The following RAD54B variants were observed in gnomAD, a reference collection of about 807,000 sequenced individuals.
RAD54B encodes DNA repair and recombination protein RAD54B.
RAD54B carries 78 observed loss-of-function variants against 95.8 expected under a neutral mutation model. That is an observed-to-expected ratio of 0.81 (90% CI 0.68 to 0.98). The LOEUF (loss-of-function observed/expected upper bound fraction) is 0.98. RAD54B is among the 50% of genes least tolerant of loss of function. The probability of loss-of-function intolerance (pLI) is 0.00; values close to 1 mark genes in which losing one functional copy is unlikely to be tolerated. For synonymous variants in RAD54B, 328 were observed against 354.9 expected (o/e 0.92, Z 0.85); for missense variants, 957 against 1,056.6 (o/e 0.91, Z 1.31).
chr8:94,420,710 C>T (rs1811785500), intron 3 of RAD54B, among the ~76,000 whole-genome samples: 1 of 151,906 alleles, frequency 6.6e-6, no homozygotes, highest in Non-Finnish European at 1.5e-5. Flanking sequence ...TTTGGCCGTG[C>T]GCGGTGGCTC....
At chr8:94,443,130 G>A (rs1006819902) in intron 3 of RAD54B, among the ~76,000 whole-genome samples, 4 of 152,124 alleles carry the variant, frequency 2.6e-5, no homozygotes, top group African/African-American at 9.7e-5. Context: ...ACACAACAGG[G>A]ACAAGACAAA....
At chr8:94,461,789 C>T (rs1480953892) in intron 2 of RAD54B, among the ~76,000 whole-genome samples, 1 of 152,146 alleles carries the variant, frequency 6.6e-6, no homozygotes, top group Non-Finnish European at 1.5e-5. Context: ...TGCTCCTTCG[C>T]CTCTAAATAC....
At chr8:94,459,435 G>C (rs1198291533) in intron 2 of RAD54B, among the ~76,000 whole-genome samples, 2 of 151,770 alleles carry the variant, frequency 1.3e-5, no homozygotes, top group East Asian at 3.9e-4. Flanking sequence ...ACAGGGGTGA[G>C]CCACCATACC....
chr8:94,387,178 G>C lies in RAD54B; in HGVS notation c.1810-19C>G, dbSNP rs769625468. 2.0e-6 allele frequency: 3 copies of C among 1,531,086 alleles called. No homozygotes were observed. Among genetic ancestry groups the C allele is most frequent in the Non-Finnish European group, 2.6e-6 (3 of 1,141,136 alleles). 94.8% of individuals were successfully genotyped at this position (1,531,086 alleles called of 1,614,324 possible). On this transcript the variant is annotated intron_variant, in intron 10 of 14. Coordinates refer to ENST00000336148, the MANE Select transcript of RAD54B (RefSeq NM_012415.3). ...CCTTTTCCTATTCAAAATGATGATTGTTAATGCTGGCTCAAGTTTGTTTTT... is the reference window on the plus strand; with the variant it reads ...CCTTTTCCTATTCAAAATGATGATTCTTAATGCTGGCTCAAGTTTGTTTTT...
chr8:94,377,174 G>A (rs1459547058), intron 14 of RAD54B, among the ~76,000 whole-genome samples: 1 of 152,096 alleles, frequency 6.6e-6, no homozygotes, highest in Admixed American at 6.5e-5. Context: ...AATAAATTCT[G>A]TACAACATAA....
chr8:94,374,065 G>A (rs1032063348), intron 14 of RAD54B, among the ~76,000 whole-genome samples: 3 of 152,088 alleles, frequency 2.0e-5, no homozygotes, highest in Admixed American at 6.5e-5. Flanking sequence ...AGATCACGAG[G>A]TCAGGTGATC....
At chr8:94,470,539 G>T (rs112085859) in intron 1 of RAD54B, among the ~76,000 whole-genome samples, 18,269 of 151,100 alleles carry the variant, frequency 0.12, 1,976 homozygotes, top group East Asian at 0.33. Flanking sequence ...AGGTTGTGGT[G>T]AGCCGAGATA....
intron 3 of RAD54B, among the ~76,000 whole-genome samples, chr8:94,422,617 AATATAT>A (rs1166692675): frequency 0.042 from 1,822 of 43,430 alleles, 72 homozygotes; most frequent in African/African-American, 0.11. Flanking sequence ...AAAAAAAAAA[AATATAT>A]ATATATATAT....
intron 3 of RAD54B, among the ~76,000 whole-genome samples, chr8:94,450,436 C>A (rs1812627711): frequency 6.6e-6 from 1 of 152,120 alleles, no homozygotes. Flanking sequence ...GAATTTTAGG[C>A]CCCTAGGAAA....
chr8:94,452,040 T>C (rs1466425492), intron 3 of RAD54B, among the ~76,000 whole-genome samples: 1 of 152,128 alleles, frequency 6.6e-6, no homozygotes, highest in Non-Finnish European at 1.5e-5. Context: ...GCAGATTCAG[T>C]GTTTGGTAAG....
intron 3 of RAD54B, chr8:94,429,390 C>A: frequency 1.3e-6 from 1 of 767,898 alleles, no homozygotes; most frequent in Non-Finnish European, 1.6e-6. Flanking sequence ...ATGTATACTG[C>A]ACTTTTTTTT....
At chr8:94,434,138 C>CT (rs1440208491) in intron 3 of RAD54B, among the ~76,000 whole-genome samples, 1 of 151,740 alleles carries the variant, frequency 6.6e-6, no homozygotes, top group Non-Finnish European at 1.5e-5. Context: ...AATAGCTCTG[C>CT]TAAAACCTGG....
chr8:94,433,253 T>C (rs1235160640), intron 3 of RAD54B, among the ~76,000 whole-genome samples: 1 of 152,128 alleles, frequency 6.6e-6, no homozygotes, highest in Non-Finnish European at 1.5e-5. Flanking sequence ...TTTCAGATGC[T>C]TTTATCTGAT....
chr8:94,414,543 T>C (rs1476976523), intron 3 of RAD54B, among the ~76,000 whole-genome samples: 1 of 152,342 alleles, frequency 6.6e-6, no homozygotes. Context: ...TGAAGCGTTG[T>C]TGAATTTTGT....
intron 3 of RAD54B, among the ~76,000 whole-genome samples, chr8:94,425,334 C>G (rs1323623612): frequency 1.3e-5 from 2 of 150,608 alleles, no homozygotes; most frequent in Admixed American, 6.6e-5. Context: ...GGATTACAGG[C>G]ATGAGCCACC....
chr8:94,397,123 A>T (rs1811166278), intron 8 of RAD54B, among the ~76,000 whole-genome samples: 1 of 152,176 alleles, frequency 6.6e-6, no homozygotes. Flanking sequence ...ACCATTTTCC[A>T]GTAAATATTA....
intron 3 of RAD54B, chr8:94,432,360 T>C (rs749225634): frequency 1.9e-6 from 3 of 1,550,366 alleles, no homozygotes; most frequent in South Asian, 1.2e-5. Flanking sequence ...TGACCTAAAG[T>C]GTTCACCACT....
rs185246190 is a variant in RAD54B at position 94,442,457 on chromosome 8, C to G, written c.304+15811G>C. On this transcript the variant is annotated intron_variant, in intron 3 of 14. Transcript: ENST00000336148. The stretch of plus-strand genomic sequence containing the variant: ...AGGCGTGGTGGCAGGCGCCTGTAGT[C>G]CCAGCTACTCGGGAGGCTGAAGCAG... Among the ~76,000 whole-genome samples, 455 of 152,056 alleles carry G rather than the reference C, an allele frequency of 3.0e-3. 2 individuals are homozygous for G. The highest frequency in any genetic ancestry group is 0.014 in the Admixed American group (218 of 15,268).
intron 1 of RAD54B, 80 bp from the exon 2 acceptor site, chr8:94,467,635 A>C (rs1675324370): frequency 1.4e-5 from 20 of 1,404,514 alleles, no homozygotes; most frequent in Non-Finnish European, 1.9e-5. Flanking sequence ...TCAAAACTAC[A>C]ACTAAGATGG....
Sources: allele counts gnomAD v4.1 joint callset (sites outside exome capture counted in the v4.1 genomes callset), GRCh38; gene constraint gnomAD v4.1.1; transcripts MANE v1.5; gene names NCBI Gene and HGNC (gene_info 2026-07-23, HGNC 2026-07-21).